ARHGAP27: variants seen among roughly 807,000 people sequenced by gnomAD.
ARHGAP27 encodes Rho GTPase activating protein 27.
Under a neutral mutation model 102.0 loss-of-function variants are expected in ARHGAP27, and 53 were observed. The observed-to-expected ratio is 0.52, with a 90% CI of 0.42 to 0.65. The LOEUF is 0.65. Ranked by LOEUF, ARHGAP27 falls within the 30% of genes least tolerant of loss-of-function variation. The pLI is 0.00. For synonymous variants in ARHGAP27, 525 were observed against 542.8 expected, an observed-to-expected ratio of 0.97 and a Z score of 0.46; for missense variants, 1,117 against 1,256.2, an observed-to-expected ratio of 0.89 and a Z score of 1.68.
chr17:45,429,355 G>T, intron 4 of ARHGAP27: 1 of 1,251,192 alleles, frequency 8.0e-7, no homozygotes, highest in Non-Finnish European at 1.0e-6. Flanking sequence ...CCTCACATCA[G>T]TTCAAGCGCA....
rs1186132159 is a variant in ARHGAP27, at chr17:45,430,564, G to A, written c.-18-267C>T. Among the ~76,000 whole-genome samples, 4 of 152,198 alleles carry A rather than the reference G, an allele frequency of 2.6e-5. No homozygotes were observed. The highest frequency in any genetic ancestry group is 4.4e-5 in the Non-Finnish European group (3 of 68,040). ...CCTTGCTTCAGTCCTGCGGTGGGGA[G>A]ATTGTGGGTAGTCTTGGTCCAAATC... On this transcript the variant is annotated intron_variant, in intron 3 of 19. Coordinates refer to ENST00000685559, the MANE Select transcript of ARHGAP27 (RefSeq NM_001282290.2). This position sits in a 1 kb window ranked among gnomAD's most constrained non-coding sequence, Gnocchi z 4.4.
At position 45,432,791 on chromosome 17, in the gene ARHGAP27, C is replaced by T. The variant is rs2050156536; in HGVS notation, c.-324G>A. The T allele has an allele frequency of 6.6e-6, 1 of 152,186 alleles. No homozygotes were observed. Among genetic ancestry groups the T allele is most frequent in the African/African-American group, 2.4e-5 (1 of 41,356 alleles). 9.4% of individuals were successfully genotyped at this position (152,186 alleles called of 1,614,324 possible). On this transcript the variant is annotated 5_prime_UTR_variant, in exon 1 of 20. Coordinates refer to ENST00000685559, the MANE Select transcript of ARHGAP27 (RefSeq NM_001282290.2). ...TCGCCGGCTTCGCCTCCACTTGCCC[C>T]GGCAGGCGCGCGTGGGCTCGGCGTC...
rs772953871 is a variant in ARHGAP27 at position 45,403,613 on chromosome 17, C to A, written c.1638+6G>T. On this transcript the variant is annotated splice_donor_region_variant and intron_variant, in intron 11 of 19. Coordinates refer to ENST00000685559, the MANE Select transcript of ARHGAP27 (RefSeq NM_001282290.2). Reference sequence around the variant, plus strand: ...GATGGTCCCTGCCCTGAGGGCCTGGCCTTACCAGGCCGCCTGCAGCCGAGG... The same window carrying A: ...GATGGTCCCTGCCCTGAGGGCCTGGACTTACCAGGCCGCCTGCAGCCGAGG... 6.2e-6 allele frequency: 10 copies of A among 1,611,446 alleles called. No homozygotes were observed. Among genetic ancestry groups the A allele is most frequent in the Non-Finnish European group, 8.5e-6 (10 of 1,178,448 alleles).
chr17:45,404,783 G>C lies in ARHGAP27; in HGVS notation c.1249-102C>G, dbSNP rs998647654. On this transcript the variant is annotated intron_variant, in intron 6 of 19. Transcript: ENST00000685559. ...CAAGACAGCACCAGGGAGTCTGGAG[G>C]GGCAGGTGCAGGTGACTGTGTTTGG... The C allele has an allele frequency of 1.0e-5, 15 of 1,498,132 alleles. No homozygotes were observed. In the African/African-American group the frequency reaches 2.1e-4, roughly 21 times the overall value. 92.8% of individuals were successfully genotyped at this position (1,498,132 alleles called of 1,614,324 possible). A position where few individuals can be genotyped will look rare whatever the true frequency, so the allele number is the denominator to read the frequency against.
chr17:45,421,528 G>A (rs1422385606), intron 4 of ARHGAP27, among the ~76,000 whole-genome samples: 2 of 152,016 alleles, frequency 1.3e-5, no homozygotes, highest in Admixed American at 1.3e-4. Context: ...GCAACAAATA[G>A]ATGTTCCTAA....
rs1328563094 is a variant in ARHGAP27 at position 45,395,383 on chromosome 17, C to A, written c.*73G>T. ...GCGGAGGGTCCCAGAGAGAAGAAGGCCCGGCTGCGTGGCCTCCGCCGCCCA... is the reference window on the plus strand; with the variant it reads ...GCGGAGGGTCCCAGAGAGAAGAAGGACCGGCTGCGTGGCCTCCGCCGCCCA... On this transcript the variant is annotated 3_prime_UTR_variant, in exon 20 of 20. Transcript: ENST00000685559. The A allele has an allele frequency of 6.7e-7, 1 of 1,483,992 alleles. No homozygotes were observed. The highest frequency in any genetic ancestry group is 9.0e-7 in the Non-Finnish European group (1 of 1,107,840). The allele number at this position is 1,483,992 out of a possible 1,614,324, so 91.9% of individuals were successfully genotyped here.
chr17:45,412,200 C>CT (rs2047989913), intron 4 of ARHGAP27, among the ~76,000 whole-genome samples: 1 of 152,238 alleles, frequency 6.6e-6, no homozygotes, highest in Non-Finnish European at 1.5e-5. Flanking sequence ...CACACAGTTC[C>CT]TGCCTGCTCT....
rs2049964469 is a variant in ARHGAP27, at chr17:45,430,322, G to A, written c.-18-25C>T. 2 of 1,523,208 alleles carry A rather than the reference G, an allele frequency of 1.3e-6. No homozygotes were observed. Among genetic ancestry groups the A allele is most frequent in the Non-Finnish European group, 1.7e-6 (2 of 1,143,454 alleles). 94.4% of individuals were successfully genotyped at this position (1,523,208 alleles called of 1,614,324 possible). ...CCTGCGGGCAACAAGAAGGAGGGCCGCGGAGGTCAAGACCACCGAGCCTGG... is the reference window on the plus strand; with the variant it reads ...CCTGCGGGCAACAAGAAGGAGGGCCACGGAGGTCAAGACCACCGAGCCTGG... On this transcript the variant is annotated intron_variant, in intron 3 of 19. Coordinates refer to ENST00000685559, the MANE Select transcript of ARHGAP27 (RefSeq NM_001282290.2). The surrounding 1 kb of genome is among the most constrained non-coding windows in gnomAD (Gnocchi z 4.4).
Position 45,395,171 on chromosome 17 carries a change from A to T in ARHGAP27, c.*285T>A, listed in dbSNP as rs2045439321. The T allele has an allele frequency of 1.9e-6, 1 of 516,032 alleles. No homozygotes were observed. Among genetic ancestry groups the T allele is most frequent in the African/African-American group, 1.9e-5 (1 of 51,398 alleles). 32.0% of individuals were successfully genotyped at this position (516,032 alleles called of 1,614,324 possible). A position where few individuals can be genotyped will look rare whatever the true frequency, so the allele number is the denominator to read the frequency against. On this transcript the variant is annotated 3_prime_UTR_variant, in exon 20 of 20. Coordinates refer to ENST00000685559, the MANE Select transcript of ARHGAP27 (RefSeq NM_001282290.2). Reference sequence around the variant, plus strand: ...CTCTCACCCCCACACACGCTATCGCACACGCACAGTAGGCGCGATGCAACA... The same window carrying T: ...CTCTCACCCCCACACACGCTATCGCTCACGCACAGTAGGCGCGATGCAACA...
chr17:45,425,601 G>T, intron 4 of ARHGAP27: 1 of 985,556 alleles, frequency 1.0e-6, no homozygotes, highest in Non-Finnish European at 1.2e-6. Context: ...AGGGCCCCGG[G>T]CTCCTTCCAG....
intron 4 of ARHGAP27, among the ~76,000 whole-genome samples, chr17:45,414,232 G>A (rs755846998): frequency 3.3e-4 from 50 of 152,120 alleles, no homozygotes; most frequent in Admixed American, 1.4e-3. Flanking sequence ...CCCCTCAAAC[G>A]TATCTGTGTT....
rs746391701 is a variant in ARHGAP27, at chr17:45,395,560, G to C, written c.2566C>G (p.Arg856Gly). 18 of 1,604,088 alleles carry C rather than the reference G, an allele frequency of 1.1e-5. No homozygotes were observed. Among genetic ancestry groups the C allele is most frequent in the Non-Finnish European group, 1.5e-5 (18 of 1,175,664 alleles). The part of the protein sequence containing the change: ...VAIVFGPTLL[R>G]PEVEETSMPM... Reference sequence around the variant, plus strand: ...ATGCTGGTCTCTTCCACCTCGGGCCGCAGCAGCGTGGGCCCGAACACAATG... The same window carrying C: ...ATGCTGGTCTCTTCCACCTCGGGCCCCAGCAGCGTGGGCCCGAACACAATG... The change falls in exon 20 of 20, where the codon CGG becomes GGG. Residue 856 changes from arginine (R) to glycine (G), a missense_variant. This residue lies in a region of ARHGAP27 where 493 missense variants were observed against 505.5 expected (regional missense o/e 0.98). Transcript: ENST00000685559.
chr17:45,421,941 G>A (rs903973070), intron 4 of ARHGAP27, among the ~76,000 whole-genome samples: 11 of 152,146 alleles, frequency 7.2e-5, no homozygotes, highest in African/African-American at 2.7e-4. Context: ...TGAGGCAGGT[G>A]GATCACTTGA....
intron 4 of ARHGAP27, chr17:45,410,142 G>A (rs915561457): frequency 5.7e-6 from 8 of 1,415,286 alleles, no homozygotes; most frequent in Non-Finnish European, 7.5e-6. Context: ...CTTCCAAGAG[G>A]CTCCCTGCTC....
chr17:45,396,410 G>T, intron 16 of ARHGAP27, 77 bp downstream of exon 16: 1 of 1,468,964 alleles, frequency 6.8e-7, no homozygotes. Context: ...CCATCCAGGG[G>T]TCTCCAGCCT....
At chr17:45,398,097 TG>T (rs745891918) in intron 12 of ARHGAP27, 50 bp from the exon 13 acceptor site, 6 of 1,509,460 alleles carry the variant, frequency 4.0e-6, no homozygotes, top group Middle Eastern at 1.8e-4. Context: ...GGGTCTGCCC[TG>T]GGGGTTGGCC....
chr17:45,397,819 C>T, intron 13 of ARHGAP27, 130 bp downstream of exon 13: 1 of 731,236 alleles, frequency 1.4e-6, no homozygotes, highest in Non-Finnish European at 2.1e-6. Flanking sequence ...CCCTGCCATC[C>T]TAGCCATTAG....
At position 45,395,376 on chromosome 17, in the gene ARHGAP27, A is replaced by C; in HGVS notation, c.*80T>G. ...TGCGCTGGCGGAGGGTCCCAGAGAGAAGAAGGCCCGGCTGCGTGGCCTCCG... is the reference window on the plus strand; with the variant it reads ...TGCGCTGGCGGAGGGTCCCAGAGAGCAGAAGGCCCGGCTGCGTGGCCTCCG... On this transcript the variant is annotated 3_prime_UTR_variant, in exon 20 of 20. Coordinates refer to ENST00000685559, the MANE Select transcript of ARHGAP27 (RefSeq NM_001282290.2). 1 of 1,470,072 alleles carries C rather than the reference A, an allele frequency of 6.8e-7. No individual in the cohort carries two copies. Among genetic ancestry groups the C allele is most frequent in the Non-Finnish European group, 9.1e-7 (1 of 1,097,926 alleles). 91.1% of individuals were successfully genotyped at this position (1,470,072 alleles called of 1,614,324 possible).
chr17:45,425,274 G>A (rs572752963), intron 4 of ARHGAP27, among the ~76,000 whole-genome samples: 2 of 152,154 alleles, frequency 1.3e-5, no homozygotes, highest in East Asian at 3.9e-4. Flanking sequence ...CAAGGGGCTA[G>A]CTAGAGTCCC....
Sources: gnomAD v4.1 joint callset for allele counts (sites outside exome capture counted in the v4.1 genomes callset) on GRCh38, gnomAD v4.1.1 for gene constraint, gnomAD v4.1.1 regional missense constraint, Gnocchi (gnomAD v3.1) non-coding constraint, MANE v1.5 for transcripts, NCBI Gene and HGNC (gene_info 2026-07-23, HGNC 2026-07-21) for gene names.